RELN: variants seen among roughly 807,000 people sequenced by gnomAD.
RELN encodes reelin.
A neutral mutation model predicts 427.6 loss-of-function variants in RELN; 108 were observed. That is an observed-to-expected ratio of 0.25 (90% CI 0.22 to 0.30). RELN has a LOEUF of 0.30. Ranked by LOEUF, RELN falls within the 10% of genes least tolerant of loss-of-function variation. RELN has a pLI of 1.00. For synonymous variants in RELN, 1,524 were observed against 1,513.4 expected (o/e 1.01, Z -0.16); for missense variants, 3,715 against 4,302.8 (o/e 0.86, Z 3.82).
chr7:103,792,564 G>C (rs1335737239), intron 3 of RELN, among the ~76,000 whole-genome samples: 1 of 150,884 alleles, frequency 6.6e-6, no homozygotes, highest in Admixed American at 6.6e-5. Context: ...TCCGGGGGAT[G>C]GGGGGATGGG....
At chr7:103,773,100 T>C (rs570949363) in intron 4 of RELN, among the ~76,000 whole-genome samples, 79 of 128,586 alleles carry the variant, frequency 6.1e-4, no homozygotes, top group African/African-American at 1.9e-3. Context: ...GGTTCTCCTC[T>C]TTTCTTTCTT....
chr7:103,881,714 C>A (rs190981557), intron 2 of RELN, among the ~76,000 whole-genome samples: 1 of 152,108 alleles, frequency 6.6e-6, no homozygotes, highest in Non-Finnish European at 1.5e-5. Flanking sequence ...GAAAAAGTAA[C>A]GTCATCTCGG....
chr7:103,940,220 A>G (rs1796083001), intron 1 of RELN, among the ~76,000 whole-genome samples: 1 of 152,188 alleles, frequency 6.6e-6, no homozygotes, highest in South Asian at 2.1e-4. Context: ...AAGTTTCACT[A>G]CTTGTTGGCT....
intron 4 of RELN, among the ~76,000 whole-genome samples, chr7:103,771,740 C>G (rs1200882496): frequency 6.9e-6 from 1 of 145,382 alleles, no homozygotes; most frequent in Non-Finnish European, 1.5e-5. Flanking sequence ...CTAGGTCTCT[C>G]TAACATATCC....
At chr7:103,931,636 T>C (rs1023931803) in intron 1 of RELN, among the ~76,000 whole-genome samples, 3 of 152,254 alleles carry the variant, frequency 2.0e-5, no homozygotes, top group African/African-American at 2.4e-5. Context: ...AAGTCCCTTA[T>C]GACTCTTCTA....
chr7:103,495,936 C>A, intron 56 of RELN, 38 bp from the exon 57 acceptor site: 1 of 1,606,342 alleles, frequency 6.2e-7, no homozygotes, highest in Non-Finnish European at 8.5e-7. Flanking sequence ...GCATATTATT[C>A]TCTTGAGGAA....
chr7:103,719,415 C>T (rs950697906), intron 8 of RELN, among the ~76,000 whole-genome samples: 2 of 152,186 alleles, frequency 1.3e-5, no homozygotes, highest in Non-Finnish European at 2.9e-5. Flanking sequence ...GACATATACA[C>T]AGACCCACCC....
At chr7:103,908,049 T>C (rs1795256504) in intron 2 of RELN, among the ~76,000 whole-genome samples, 1 of 152,076 alleles carries the variant, frequency 6.6e-6, no homozygotes, top group South Asian at 2.1e-4. Context: ...AGTGAGAACA[T>C]GAGGTGGACA....
intron 1 of RELN, among the ~76,000 whole-genome samples, chr7:103,984,651 G>A (rs908930223): frequency 2.0e-5 from 3 of 152,126 alleles, no homozygotes; most frequent in Non-Finnish European, 4.4e-5. Flanking sequence ...AGATAAATAT[G>A]TAACAAATAG....
chr7:103,695,391 T>C (rs1833956249), intron 10 of RELN, among the ~76,000 whole-genome samples: 1 of 151,944 alleles, frequency 6.6e-6, no homozygotes, highest in African/African-American at 2.4e-5. Flanking sequence ...ATTACTACAA[T>C]GATTTTTTTT....
chr7:103,593,658 G>T (rs781259373), intron 27 of RELN, 24 bp downstream of exon 27: 2 of 1,593,426 alleles, frequency 1.3e-6, no homozygotes, highest in African/African-American at 1.3e-5. Flanking sequence ...AACTTGCTCT[G>T]GGAAGAAGCT....
intron 6 of RELN, among the ~76,000 whole-genome samples, chr7:103,748,650 G>T (rs1790915682): frequency 6.6e-6 from 1 of 152,102 alleles, no homozygotes; most frequent in African/African-American, 2.4e-5. Context: ...AAACAGAAAT[G>T]AATATCATAT....
At position 103,891,987 on chromosome 7, in the gene RELN, A is replaced by T. The variant is rs149205388; in HGVS notation, c.337+25088T>A. ...GTAAGAGGAAGAATGTGTCAGAGGC[A>T]CAGAATGGAATTATTGCTGGGAAGC... On this transcript the variant is annotated intron_variant, in intron 2 of 64. Coordinates refer to ENST00000428762, the MANE Select transcript of RELN (RefSeq NM_005045.4). 1.2e-3 allele frequency among the ~76,000 whole-genome samples: 189 copies of T among 152,302 alleles called. 1 individual carries two copies. Among genetic ancestry groups the T allele is most frequent in the African/African-American group, 4.0e-3 (165 of 41,572 alleles).
intron 2 of RELN, among the ~76,000 whole-genome samples, chr7:103,876,471 C>T (rs946927587): frequency 6.6e-6 from 1 of 151,410 alleles, no homozygotes; most frequent in Non-Finnish European, 1.5e-5. Flanking sequence ...TTTGTTCATG[C>T]TTAAATATAT....
chr7:103,860,634 C>T (rs1402511140), intron 2 of RELN, among the ~76,000 whole-genome samples: 1 of 152,146 alleles, frequency 6.6e-6, no homozygotes, highest in Non-Finnish European at 1.5e-5. Flanking sequence ...GCTGATTGTA[C>T]ACATCTCTTC....
intron 58 of RELN, 145 bp downstream of exon 58, chr7:103,491,808 A>G: frequency 1.5e-6 from 1 of 674,008 alleles, no homozygotes; most frequent in Non-Finnish European, 2.6e-6. Context: ...CAGCCTGGGC[A>G]ACAAGAGCGA....
At chr7:103,526,963 T>C (rs548507522) in intron 46 of RELN, among the ~76,000 whole-genome samples, 1 of 152,300 alleles carries the variant, frequency 6.6e-6, no homozygotes, top group Admixed American at 6.5e-5. Flanking sequence ...CTCCTCTTGG[T>C]TCTTTTGTGG....
rs1324286336 is a variant in RELN at position 103,573,180 on chromosome 7, A to G, written c.4511+912T>C. ...GGTCTTGAATTCCTGACCTCAAGTG[A>G]TCCACCTGCCTCAGTCTCCCAAAGT... On this transcript the variant is annotated intron_variant, in intron 30 of 64. Transcript: ENST00000428762. This position sits in a 1 kb window ranked among gnomAD's most constrained non-coding sequence, Gnocchi z 4.4. Among the ~76,000 whole-genome samples the G allele has an allele frequency of 6.6e-6, 1 of 152,242 alleles. No homozygotes were observed. Among genetic ancestry groups the G allele is most frequent in the African/African-American group, 2.4e-5 (1 of 41,458 alleles).
intron 3 of RELN, among the ~76,000 whole-genome samples, chr7:103,810,269 G>A (rs1476651142): frequency 6.6e-6 from 1 of 152,042 alleles, no homozygotes; most frequent in Non-Finnish European, 1.5e-5. Context: ...CTTGCCCCAA[G>A]CGTTATGAAA....
Sources: gnomAD v4.1 joint callset for allele counts (sites outside exome capture counted in the v4.1 genomes callset) on GRCh38, gnomAD v4.1.1 for gene constraint, Gnocchi (gnomAD v3.1) non-coding constraint, MANE v1.5 for transcripts, NCBI Gene and HGNC (gene_info 2026-07-23, HGNC 2026-07-21) for gene names.